LIPE: variants seen among roughly 807,000 people sequenced by gnomAD.
The protein encoded by LIPE is lipase E, hormone sensitive type, also known as hormone-sensitive lipase.
Under a neutral mutation model 88.5 loss-of-function variants are expected in LIPE, and 66 were observed. That is an observed-to-expected ratio of 0.75 (90% CI 0.61 to 0.91). The LOEUF is 0.91. Among genes scored for constraint, LIPE ranks in the 40% least tolerant of loss-of-function variants. LIPE has a pLI of 0.00. For missense variants in LIPE, 1,346 were observed against 1,434.7 expected, an observed-to-expected ratio of 0.94 and a Z score of 1.00; for synonymous variants, 570 against 617.5, an observed-to-expected ratio of 0.92 and a Z score of 1.14.
Position 42,401,785 on chromosome 19 carries a change from G to T in LIPE, c.*27C>A. 5 of 1,431,506 alleles carry T rather than the reference G, an allele frequency of 3.5e-6. No homozygotes were observed. Among genetic ancestry groups the T allele is most frequent in the Non-Finnish European group, 4.6e-6 (5 of 1,091,444 alleles). The allele number at this position is 1,431,506 out of a possible 1,614,324, so 88.7% of individuals were successfully genotyped here. A position where few individuals can be genotyped will look rare whatever the true frequency, so the allele number is the denominator to read the frequency against. On this transcript the variant is annotated 3_prime_UTR_variant, in exon 10 of 10. Coordinates refer to ENST00000244289, the MANE Select transcript of LIPE (RefSeq NM_005357.4). ...GGCCCGGAAGGCATTCATGACGGAG[G>T]CCGGCGCAGATGGGAACAACAGGCT...
In LIPE at chr19:42,406,021, A is replaced by ACACACACACACG. The variant is rs1568598174; in HGVS notation, c.2365+139_2365+140insCGTGTGTGTGTG. 1.7e-6 allele frequency: 1 copy of ACACACACACACG among 591,576 alleles called. No homozygotes were observed. Among genetic ancestry groups the ACACACACACACG allele is most frequent in the African/African-American group, 2.9e-5 (1 of 34,238 alleles). 36.6% of individuals were successfully genotyped at this position (591,576 alleles called of 1,614,324 possible). A position where few individuals can be genotyped will look rare whatever the true frequency, so the allele number is the denominator to read the frequency against. On this transcript the variant is annotated intron_variant, in intron 7 of 9. Coordinates refer to ENST00000244289, the MANE Select transcript of LIPE (RefSeq NM_005357.4). This position sits in a 1 kb window ranked among gnomAD's most constrained non-coding sequence, Gnocchi z 5.7. ...ACACACACACACACACACACACACG[A>ACACACACACACG]AAAAAAAGGGACAAGGAGTCTTAGA...
In LIPE at chr19:42,407,330, T is replaced by C. The variant is rs757390690; in HGVS notation, c.1981A>G (p.Arg661Gly). Residue 661 changes from arginine (R) to glycine (G), a missense_variant, in exon 6 of 10, where the codon AGA becomes GGA. Coordinates refer to ENST00000244289, the MANE Select transcript of LIPE (RefSeq NM_005357.4). This position sits in a 1 kb window ranked among gnomAD's most constrained non-coding sequence, Gnocchi z 5.8. ...HGGGFVAQTS[R>G]SHEPYLKSWA... ...CTCTTGAGGTAGGGCTCGTGGGATCTGGAGGTCTGGGCCACAAAGCCACCG... is the reference window on the plus strand; with the variant it reads ...CTCTTGAGGTAGGGCTCGTGGGATCCGGAGGTCTGGGCCACAAAGCCACCG... 5 of 1,612,288 alleles carry C rather than the reference T, an allele frequency of 3.1e-6. No homozygotes were observed. Among genetic ancestry groups the C allele is most frequent in the Middle Eastern group, 1.6e-4 (1 of 6,078 alleles).
intron 8 of LIPE, among the ~76,000 whole-genome samples, chr19:42,403,290 T>TGA (rs1459124700): frequency 7.3e-4 from 96 of 131,414 alleles, no homozygotes; most frequent in South Asian, 6.5e-3. Context: ...TGTGTGTGTG[T>TGA]GTGACTGGGA....
chr19:42,406,019 C>CACACACA lies in LIPE; in HGVS notation c.2365+141_2365+142insTGTGTGT. The CACACACA allele has an allele frequency of 1.6e-6, 1 of 610,342 alleles. No homozygotes were observed. The highest frequency in any genetic ancestry group is 2.0e-5 in the South Asian group (1 of 49,982). 37.8% of individuals were successfully genotyped at this position (610,342 alleles called of 1,614,324 possible). On this transcript the variant is annotated intron_variant, in intron 7 of 9. Transcript: ENST00000244289. This position sits in a 1 kb window ranked among gnomAD's most constrained non-coding sequence, Gnocchi z 5.7. The stretch of plus-strand genomic sequence containing the variant: ...ACACACACACACACACACACACACA[C>CACACACA]GAAAAAAAAGGGACAAGGAGTCTTA...
rs2040442386 is a variant in LIPE, at chr19:42,414,201, G to A, written c.884-3359C>T. Among the ~76,000 whole-genome samples the A allele has an allele frequency of 6.6e-6, 1 of 152,136 alleles. No individual in the cohort carries two copies. Among genetic ancestry groups the A allele is most frequent in the East Asian group, 1.9e-4 (1 of 5,192 alleles). ...AGACAGGAGAATCACTTGAACCCAG[G>A]AGGCAGAGGTTGCAGTGAGCTGAGA... On this transcript the variant is annotated intron_variant, in intron 1 of 9. Coordinates refer to ENST00000244289, the MANE Select transcript of LIPE (RefSeq NM_005357.4). The surrounding 1 kb of genome is among the most constrained non-coding windows in gnomAD (Gnocchi z 4.6).
chr19:42,402,918 C>G lies in LIPE; in HGVS notation c.2656G>C (p.Glu886Gln). The G allele has an allele frequency of 6.2e-7, 1 of 1,611,948 alleles. No homozygotes were observed. Among genetic ancestry groups the G allele is most frequent in the East Asian group, 2.2e-5 (1 of 44,862 alleles). Residue 886 changes from glutamate (E) to glutamine (Q), a missense_variant, in exon 9 of 10, where the codon GAG becomes CAG. Glu to Gln is a conservative substitution (Grantham distance 29). Transcript: ENST00000244289. ...LRDLSLRGNS[E>Q]TSSDTPEMSL... ...ATCTCGGGGGTGTCCGACGACGTCT[C>G]GGAGTTTCCCCTCAGGCTCAAGTCC... is the stretch of plus-strand genomic sequence containing the variant.
chr19:42,410,324 G>T lies in LIPE; in HGVS notation c.1402C>A (p.Arg468Ser). 1 of 1,592,910 alleles carries T rather than the reference G, an allele frequency of 6.3e-7. No homozygotes were observed. The highest frequency in any genetic ancestry group is 1.3e-5 in the African/African-American group (1 of 74,426). The stretch of plus-strand genomic sequence containing the variant: ...GGGCTCACCTGGAAGCCCAGGCAGC[G>T]GCCATAGAAGCATCCCTTATGCAGC... The part of the protein sequence containing the change: ...VTLHKGCFYG[R>S]CLGFQFTPAI... Residue 468 changes from arginine to serine, a missense_variant, in exon 2 of 10, where the codon CGC (arginine) becomes AGC (serine). Arg to Ser is a moderately radical substitution (Grantham distance 110). Transcript: ENST00000244289. This position sits in a 1 kb window ranked among gnomAD's most constrained non-coding sequence, Gnocchi z 6.1.
chr19:42,419,225 C>G (rs1394186846), intron 1 of LIPE, among the ~76,000 whole-genome samples: 1 of 152,146 alleles, frequency 6.6e-6, no homozygotes, highest in Non-Finnish European at 1.5e-5. Flanking sequence ...TTGCGGTGAG[C>G]CAAGATCACA....
At chr19:42,424,885 G>A in intron 1 of LIPE, 1 of 346,000 alleles carries the variant, frequency 2.9e-6, no homozygotes, top group Non-Finnish European at 5.7e-6. Context: ...TGGGCCCCGG[G>A]AAGAGGCGGA....
intron 1 of LIPE, chr19:42,412,288 G>T (rs1171588646): frequency 1.0e-6 from 1 of 985,476 alleles, no homozygotes; most frequent in African/African-American, 1.7e-5. Context: ...TCCCCTAGAA[G>T]AAGGTATTTC....
In LIPE at chr19:42,410,233, A is replaced by G; in HGVS notation, c.1419+74T>C. 2 of 1,406,364 alleles carry G rather than the reference A, an allele frequency of 1.4e-6. No homozygotes were observed. The highest frequency in any genetic ancestry group is 1.9e-6 in the Non-Finnish European group (2 of 1,049,930). The allele number at this position is 1,406,364 out of a possible 1,614,324, so 87.1% of individuals were successfully genotyped here. On this transcript the variant is annotated intron_variant, in intron 2 of 9. Transcript: ENST00000244289. This position sits in a 1 kb window ranked among gnomAD's most constrained non-coding sequence, Gnocchi z 6.1. The stretch of plus-strand genomic sequence containing the variant: ...AATGCTGACCACTGGTTACTTTACC[A>G]TACTATAGGCCAGGCCAGGGGCCAC...
Position 42,408,559 on chromosome 19 carries a change from G to T in LIPE, c.1420-237C>A. 1.9e-6 allele frequency: 1 copy of T among 522,344 alleles called. No homozygotes were observed. Among genetic ancestry groups the T allele is most frequent in the Non-Finnish European group, 3.5e-6 (1 of 289,520 alleles). 32.4% of individuals were successfully genotyped at this position (522,344 alleles called of 1,614,324 possible). A position where few individuals can be genotyped will look rare whatever the true frequency, so the allele number is the denominator to read the frequency against. On this transcript the variant is annotated intron_variant, in intron 2 of 9. Coordinates refer to ENST00000244289, the MANE Select transcript of LIPE (RefSeq NM_005357.4). The surrounding 1 kb of genome is among the most constrained non-coding windows in gnomAD (Gnocchi z 4.3). The stretch of plus-strand genomic sequence containing the variant: ...AGTATCATGACAAGGAATGACGAAT[G>T]GTTTGGAAAAAAAAAAAGGCAGTAG...
rs570647137 is a variant in LIPE at position 42,417,110 on chromosome 19, C to T, written c.884-6268G>A. On this transcript the variant is annotated intron_variant, in intron 1 of 9. Coordinates refer to ENST00000244289, the MANE Select transcript of LIPE (RefSeq NM_005357.4). The stretch of plus-strand genomic sequence containing the variant: ...TAATTTTTTGTATTTTTAGTAGAGA[C>T]GGGGTTTCACCATGTTAGCTAGGAT... Among the ~76,000 whole-genome samples, 26 of 152,174 alleles carry T rather than the reference C, an allele frequency of 1.7e-4. No individual in the cohort carries two copies. The East Asian group carries it at 3.5e-3, about 20-fold the overall frequency.
chr19:42,405,433 G>A lies in LIPE; in HGVS notation c.2494C>T (p.Leu832=), dbSNP rs750849340. 10 of 1,614,000 alleles carry A rather than the reference G, an allele frequency of 6.2e-6. No homozygotes were observed. Among genetic ancestry groups the A allele is most frequent in the Non-Finnish European group, 7.6e-6 (9 of 1,180,018 alleles). ...LGASSWLNSF[L]ELSGRKSQKM... ...TGGGACTTGCGCCCACTTAACTCCA[G>A]GAAGGAGTTGAGCCATGAGGAGGCA... The change falls in exon 8 of 10, where the codon CTG becomes TTG. Residue 832 remains leucine (L), a synonymous_variant. Transcript: ENST00000244289.
intron 1 of LIPE, among the ~76,000 whole-genome samples, chr19:42,418,294 T>C (rs1301677542): frequency 6.6e-6 from 1 of 152,192 alleles, no homozygotes. Flanking sequence ...GACCCCAATT[T>C]TGAAAGTTCT....
Position 42,406,345 on chromosome 19 carries a change from G to A in LIPE, c.2181C>T (p.Gly727=), listed in dbSNP as rs192667531. 927 of 1,614,176 alleles carry A rather than the reference G, an allele frequency of 5.7e-4. 7 individuals carry two copies. Among genetic ancestry groups the A allele is most frequent in the African/African-American group, 1.7e-4 (13 of 75,040 alleles). The change falls in exon 7 of 10, where the codon GGC becomes GGT. Residue 727 remains glycine (G), a synonymous_variant. Coordinates refer to ENST00000244289, the MANE Select transcript of LIPE (RefSeq NM_005357.4). The surrounding 1 kb of genome is among the most constrained non-coding windows in gnomAD (Gnocchi z 5.7). ...ERICLAGDSA[G]GNLCFTVALR... ...GAGCCACGGTGAAGCAGAGGTTCCC[G>A]CCTGCACTGTCCCCCGCAAGGCAGA...
In LIPE at chr19:42,410,783, C is replaced by A; in HGVS notation, c.943G>T (p.Ala315Ser). The part of the protein sequence containing the change: ...RTMTQSLVTL[A>S]EDNIAFFSSQ... ...GAGAAGAAGGCTATGTTGTCCTCCG[C>A]CAGAGTCACCAGCGACTGTGTCATT... Residue 315 changes from alanine (A) to serine (S), a missense_variant, in exon 2 of 10, where the codon GCG (alanine) becomes TCG (serine). Transcript: ENST00000244289. This position sits in a 1 kb window ranked among gnomAD's most constrained non-coding sequence, Gnocchi z 6.1. 2 of 1,601,926 alleles carry A rather than the reference C, an allele frequency of 1.2e-6. No homozygotes were observed. The highest frequency in any genetic ancestry group is 1.1e-5 in the South Asian group (1 of 89,566).
chr19:42,401,835 C>T lies in LIPE; in HGVS notation c.3208G>A (p.Gly1070Arg). ...TTTTAGTGTCGCCCCCCGCAGCCCC[C>T]GTCTACCCCCGCAGCCCCCGTCTCC... ...SGETGAAGVD[G>R]GCGGRH The change falls in exon 10 of 10, where the codon GGG becomes AGG. Residue 1070 changes from glycine (G) to arginine (R), a missense_variant. Transcript: ENST00000244289. 2.0e-6 allele frequency: 3 copies of T among 1,498,154 alleles called. No individual in the cohort carries two copies. The highest frequency in any genetic ancestry group is 8.9e-7 in the Non-Finnish European group (1 of 1,126,368). 92.8% of individuals were successfully genotyped at this position (1,498,154 alleles called of 1,614,324 possible).
intron 1 of LIPE, 77 bp downstream of exon 1, chr19:42,426,190 C>T: frequency 7.0e-7 from 1 of 1,429,980 alleles, no homozygotes; most frequent in East Asian, 2.3e-5. Flanking sequence ...ACCTGATACA[C>T]CGTAAGTTTT....
Sources: allele counts gnomAD v4.1 joint callset (sites outside exome capture counted in the v4.1 genomes callset), GRCh38; gene constraint gnomAD v4.1.1; non-coding constraint Gnocchi (gnomAD v3.1); transcripts MANE v1.5; gene names NCBI Gene and HGNC (gene_info 2026-07-23, HGNC 2026-07-21).